Variants in LAMC1 observed in about 807,000 individuals in gnomAD.
LAMC1 encodes laminin subunit gamma-1.
Under a neutral mutation model 173.6 loss-of-function variants are expected in LAMC1, and 38 were observed. That is an observed-to-expected ratio of 0.22 (90% CI 0.17 to 0.29). The LOEUF is 0.29. LAMC1 is among the 10% of genes least tolerant of loss of function. LAMC1 has a pLI of 1.00. For synonymous variants in LAMC1, 746 were observed against 749.1 expected (o/e 1.00, Z 0.07); for missense variants, 1,824 against 2,051.8 (o/e 0.89, Z 2.14).
chr1:183,070,113 G>T (rs1258273782), intron 1 of LAMC1, among the ~76,000 whole-genome samples: 2 of 152,226 alleles, frequency 1.3e-5, no homozygotes, highest in Non-Finnish European at 2.9e-5. Context: ...GAGATTCTTA[G>T]ACTTGATCAT....
intron 24 of LAMC1, 116 bp downstream of exon 24, chr1:183,135,272 G>C (rs758194580): frequency 1.2e-5 from 8 of 661,084 alleles, no homozygotes; most frequent in Non-Finnish European, 1.9e-5. Flanking sequence ...CTTTTTTTAT[G>C]CTAAAGTATT....
chr1:183,041,644 A>T (rs910175285), intron 1 of LAMC1, among the ~76,000 whole-genome samples: 1 of 152,214 alleles, frequency 6.6e-6, no homozygotes, highest in African/African-American at 2.4e-5. Context: ...TTTATTAAGC[A>T]CCTGTTACAC....
chr1:183,075,147 C>T (rs1353213053), intron 1 of LAMC1, among the ~76,000 whole-genome samples: 2 of 142,344 alleles, frequency 1.4e-5, no homozygotes, highest in Admixed American at 7.1e-5. Context: ...TTTTTCGAGA[C>T]AGGGTGTTAC....
intron 26 of LAMC1, among the ~76,000 whole-genome samples, chr1:183,139,683 TC>T (rs1159616073): frequency 6.6e-6 from 1 of 152,244 alleles, no homozygotes; most frequent in Non-Finnish European, 1.5e-5. Flanking sequence ...TACTTAAATC[TC>T]AACTAGATTT....
chr1:183,052,104 A>G (rs148182935), intron 1 of LAMC1, among the ~76,000 whole-genome samples: 58 of 152,222 alleles, frequency 3.8e-4, no homozygotes, highest in African/African-American at 1.3e-3. Flanking sequence ...CCTGATTGCA[A>G]CTCAAGGTGC....
At chr1:183,105,648 G>C (rs1444230879) in intron 2 of LAMC1, among the ~76,000 whole-genome samples, 10 of 148,618 alleles carry the variant, frequency 6.7e-5, no homozygotes, top group East Asian at 4.0e-4. Flanking sequence ...AAAAAAAAAT[G>C]CTGTGGGCAT....
intron 1 of LAMC1, among the ~76,000 whole-genome samples, chr1:183,033,501 G>C (rs1009899642): frequency 6.6e-6 from 1 of 152,166 alleles, no homozygotes; most frequent in Non-Finnish European, 1.5e-5. Flanking sequence ...ATATGCTTTG[G>C]TCACAATATC....
At chr1:183,032,463 T>C (rs1653870964) in intron 1 of LAMC1, among the ~76,000 whole-genome samples, 1 of 152,222 alleles carries the variant, frequency 6.6e-6, no homozygotes, top group Non-Finnish European at 1.5e-5. Flanking sequence ...TTTTATCTTT[T>C]TGTTTTGAAA....
intron 1 of LAMC1, among the ~76,000 whole-genome samples, chr1:183,052,015 A>G (rs1244609394): frequency 6.6e-6 from 1 of 152,194 alleles, no homozygotes; most frequent in African/African-American, 2.4e-5. Context: ...CTGATAAAAA[A>G]TCATTCCTTT....
intron 18 of LAMC1, among the ~76,000 whole-genome samples, chr1:183,128,992 T>G (rs1048880571): frequency 6.6e-6 from 1 of 152,096 alleles, no homozygotes; most frequent in Non-Finnish European, 1.5e-5. Flanking sequence ...ATATTCAAAT[T>G]TCAAGCATTT....
intron 4 of LAMC1, among the ~76,000 whole-genome samples, chr1:183,112,772 G>C (rs1050750869): frequency 6.6e-6 from 1 of 151,790 alleles, no homozygotes; most frequent in Admixed American, 6.6e-5. Context: ...GAAGGAAAAG[G>C]GCACTTTAAA....
chr1:183,098,997 T>G (rs1383004631), intron 1 of LAMC1, among the ~76,000 whole-genome samples: 1 of 152,136 alleles, frequency 6.6e-6, no homozygotes, highest in Non-Finnish European at 1.5e-5. Flanking sequence ...CCAAATATCA[T>G]CTTCCCCTCC....
rs191782857 is a variant in LAMC1 at position 183,079,886 on chromosome 1, G to A, written c.419-23442G>A. The stretch of plus-strand genomic sequence containing the variant: ...CATAAATGTTTTTATTACTGTAGTC[G>A]TTTTACAGTGTTACTCATGATCTCA... On this transcript the variant is annotated intron_variant, in intron 1 of 27. Transcript: ENST00000258341. Among the ~76,000 whole-genome samples the A allele has an allele frequency of 5.3e-5, 8 of 152,256 alleles. No individual in the cohort carries two copies. The East Asian group carries it at 7.7e-4, about 15-fold the overall frequency.
intron 1 of LAMC1, among the ~76,000 whole-genome samples, chr1:183,049,462 T>C (rs535942988): frequency 4.5e-5 from 5 of 111,988 alleles, no homozygotes; most frequent in African/African-American, 1.4e-4. Context: ...AAGGTTTTTT[T>C]GTTTTTTTTT....
chr1:183,121,897 T>A lies in LAMC1; in HGVS notation c.2165T>A (p.Val722Glu), dbSNP rs1212937231. ...TPNLGPYSPC[V>E]LCACNGHSET... Reference sequence around the variant, plus strand: ...AATCTTGGACCATACAGTCCATGTGTGCTTTGCGCCTGCAATGGACACAGC... The same window carrying A: ...AATCTTGGACCATACAGTCCATGTGAGCTTTGCGCCTGCAATGGACACAGC... Residue 722 changes from valine (V) to glutamate (E), a missense_variant, in exon 12 of 28, where the codon GTG (valine) becomes GAG (glutamate). By Grantham distance (121) the Val-to-Glu change is moderately radical. Coordinates refer to ENST00000258341, the MANE Select transcript of LAMC1 (RefSeq NM_002293.4). The A allele has an allele frequency of 6.2e-7, 1 of 1,614,234 alleles. No homozygotes were observed. Among genetic ancestry groups the A allele is most frequent in the Non-Finnish European group, 8.5e-7 (1 of 1,180,032 alleles).
intron 1 of LAMC1, among the ~76,000 whole-genome samples, chr1:183,035,081 G>A (rs1653945320): frequency 6.6e-6 from 1 of 152,164 alleles, no homozygotes; most frequent in Non-Finnish European, 1.5e-5. Context: ...GAGTGCTAAG[G>A]AACTAAGCAT....
In LAMC1 at chr1:183,121,924, A is replaced by G; in HGVS notation, c.2192A>G (p.Glu731Gly). Reference protein sequence around the residue: ...CVLCACNGHSETCDPETGVCN... With the variant: ...CVLCACNGHSGTCDPETGVCN... ...CTTTGCGCCTGCAATGGACACAGCG[A>G]GACCTGTGATCCTGAGACAGGTGAG... is the stretch of plus-strand genomic sequence containing the variant. The change falls in exon 12 of 28, where the codon GAG becomes GGG. Residue 731 changes from glutamate to glycine, a missense_variant. By Grantham distance (98) the Glu-to-Gly change is moderately conservative. Transcript: ENST00000258341. 1 of 1,614,158 alleles carries G rather than the reference A, an allele frequency of 6.2e-7. No individual in the cohort carries two copies. The highest frequency in any genetic ancestry group is 8.5e-7 in the Non-Finnish European group (1 of 1,179,964).
chr1:183,128,851 G>GT (rs1168610404), intron 18 of LAMC1, 101 bp downstream of exon 18: 1 of 904,522 alleles, frequency 1.1e-6, no homozygotes, highest in African/African-American at 1.7e-5. Context: ...TTCTTTCTCA[G>GT]TTTTTAAACT....
At chr1:183,117,277 G>A (rs781033279) in intron 8 of LAMC1, 43 bp from the exon 9 acceptor site, 8 of 1,574,172 alleles carry the variant, frequency 5.1e-6, no homozygotes, top group Non-Finnish European at 6.9e-6. Context: ...AATTCAGGAT[G>A]TTTACAGTGT....
Sources: allele counts gnomAD v4.1 joint callset (sites outside exome capture counted in the v4.1 genomes callset), GRCh38; gene constraint gnomAD v4.1.1; transcripts MANE v1.5; gene names NCBI Gene and HGNC (gene_info 2026-07-23, HGNC 2026-07-21).